Variants in SEMA6D observed in about 807,000 individuals in gnomAD.
SEMA6D encodes semaphorin-6D.
In SEMA6D, 35 loss-of-function variants were observed where a neutral mutation model predicts 106.6. That is an observed-to-expected ratio of 0.33 (90% confidence interval 0.25 to 0.44). The LOEUF (loss-of-function observed/expected upper bound fraction) is 0.44, where lower values mean the gene tolerates loss of function less well. Ranked by LOEUF, SEMA6D falls within the 20% of genes least tolerant of loss-of-function variation. The pLI is 1.00. For synonymous variants in SEMA6D, 499 were observed against 487.7 expected (o/e 1.02, Z -0.31); for missense variants, 1,185 against 1,345.9 (o/e 0.88, Z 1.87).
intron 1 of SEMA6D, among the ~76,000 whole-genome samples, chr15:47,206,066 A>G (rs187909956): frequency 3.3e-4 from 51 of 152,292 alleles, no homozygotes; most frequent in Admixed American, 1.2e-3. Context: ...CTTCATTTCA[A>G]CATCCTTACA....
At chr15:47,591,143 A>T (rs2076431733) in intron 3 of SEMA6D, among the ~76,000 whole-genome samples, 3 of 152,300 alleles carry the variant, frequency 2.0e-5, no homozygotes, top group Middle Eastern at 6.8e-3. Context: ...CATAAATGGC[A>T]CTTTGTTGCT....
intron 3 of SEMA6D, among the ~76,000 whole-genome samples, chr15:47,558,406 C>T (rs2045975684): frequency 6.6e-6 from 1 of 151,986 alleles, no homozygotes; most frequent in South Asian, 2.1e-4. Context: ...AGCAATGATT[C>T]AGGACAGAAA....
intron 1 of SEMA6D, among the ~76,000 whole-genome samples, chr15:47,365,466 G>C (rs1405401011): frequency 6.6e-6 from 1 of 152,100 alleles, no homozygotes; most frequent in Non-Finnish European, 1.5e-5. Context: ...ATAGAAATTT[G>C]TTTCTAAATC....
intron 4 of SEMA6D, among the ~76,000 whole-genome samples, chr15:47,677,983 G>C (rs2078278351): frequency 6.6e-6 from 1 of 152,144 alleles, no homozygotes; most frequent in South Asian, 2.1e-4. Context: ...AAAAGGGAGT[G>C]TGAAAATGGG....
At chr15:47,314,919 G>A (rs1360046150) in intron 1 of SEMA6D, among the ~76,000 whole-genome samples, 4 of 138,646 alleles carry the variant, frequency 2.9e-5, no homozygotes, top group Admixed American at 1.5e-4. Context: ...AGGCGAGAGT[G>A]CAGTGGCGCA....
chr15:47,607,298 A>G (rs2076801388), intron 4 of SEMA6D, among the ~76,000 whole-genome samples: 1 of 152,222 alleles, frequency 6.6e-6, no homozygotes, highest in Non-Finnish European at 1.5e-5. Context: ...CAATATGGTT[A>G]GATCACAGAT....
chr15:47,228,163 C>CACACAT (rs374770930), intron 1 of SEMA6D, among the ~76,000 whole-genome samples: 3,645 of 136,778 alleles, frequency 0.027, 173 homozygotes, highest in African/African-American at 0.094. Context: ...CACACACACA[C>CACACAT]ATATATATAT....
chr15:47,696,930 C>CTA (rs2078711143), intron 4 of SEMA6D, among the ~76,000 whole-genome samples: 1 of 152,144 alleles, frequency 6.6e-6, no homozygotes, highest in Admixed American at 6.5e-5. Context: ...ATGGGAACTG[C>CTA]TATTATTGTC....
intron 3 of SEMA6D, among the ~76,000 whole-genome samples, chr15:47,583,790 C>G (rs954624168): frequency 2.0e-5 from 3 of 152,084 alleles, no homozygotes; most frequent in African/African-American, 7.2e-5. Flanking sequence ...ACAGCTGTGA[C>G]AACATTAGGG....
At chr15:47,693,897 C>T (rs1400252338) in intron 4 of SEMA6D, among the ~76,000 whole-genome samples, 3 of 152,024 alleles carry the variant, frequency 2.0e-5, no homozygotes, top group African/African-American at 2.4e-5. Context: ...GAGCCGTGAT[C>T]GCACCACGAC....
At chr15:47,390,566 C>T (rs1595888693) in intron 1 of SEMA6D, among the ~76,000 whole-genome samples, 1 of 109,872 alleles carries the variant, frequency 9.1e-6, no homozygotes, top group African/African-American at 6.9e-5. Context: ...CCAGCCTCAC[C>T]GGTTTTTTTG....
chr15:47,640,907 A>G (rs1353786392), intron 4 of SEMA6D, among the ~76,000 whole-genome samples: 1 of 152,022 alleles, frequency 6.6e-6, no homozygotes, highest in African/African-American at 2.4e-5. Context: ...TAATAATAAT[A>G]TTACACACCT....
At chr15:47,587,562 G>C (rs1442617957) in intron 3 of SEMA6D, among the ~76,000 whole-genome samples, 1 of 152,158 alleles carries the variant, frequency 6.6e-6, no homozygotes, top group Non-Finnish European at 1.5e-5. Flanking sequence ...TGCCTTCAGT[G>C]ATCCGAAGCC....
At chr15:47,536,119 C>G (rs2045154915) in intron 3 of SEMA6D, among the ~76,000 whole-genome samples, 1 of 152,112 alleles carries the variant, frequency 6.6e-6, no homozygotes, top group African/African-American at 2.4e-5. Context: ...CCTTGAAATG[C>G]TAATGTTCCC....
chr15:47,372,466 G>A (rs1481050251), intron 1 of SEMA6D, among the ~76,000 whole-genome samples: 1 of 152,192 alleles, frequency 6.6e-6, no homozygotes, highest in African/African-American at 2.4e-5. Context: ...GAAAGCAGAA[G>A]CTGTCTCCAT....
intron 4 of SEMA6D, among the ~76,000 whole-genome samples, chr15:47,616,748 A>C (rs923407203): frequency 6.6e-6 from 1 of 152,112 alleles, no homozygotes; most frequent in Non-Finnish European, 1.5e-5. Flanking sequence ...TGTTGGAAAT[A>C]AAAGACTGTA....
rs530887486 is a variant in SEMA6D, at chr15:47,588,495, T to TA, written c.-86-12363dup. On this transcript the variant is annotated intron_variant, in intron 3 of 19. Transcript: ENST00000558014. ...TGTAAGCCATGCTCCTCAGACTCCG[T>TA]AAAAAAAGAGTCATTACTTGGAGAA... Among the ~76,000 whole-genome samples the TA allele has an allele frequency of 5.9e-5, 9 of 152,102 alleles. No individual in the cohort carries two copies. In the South Asian group the frequency reaches 1.9e-3, roughly 32 times the overall value.
At chr15:47,551,328 G>A (rs2045680784) in intron 3 of SEMA6D, among the ~76,000 whole-genome samples, 1 of 152,046 alleles carries the variant, frequency 6.6e-6, no homozygotes, top group Admixed American at 6.6e-5. Context: ...ATTTGGTTGG[G>A]GGCAGGTTGC....
At chr15:47,245,025 A>G (rs967056609) in intron 1 of SEMA6D, among the ~76,000 whole-genome samples, 1 of 106,936 alleles carries the variant, frequency 9.4e-6, no homozygotes, top group Non-Finnish European at 2.1e-5. Context: ...AAAGGACATG[A>G]TTTTGTTTTT....
Sources: gnomAD v4.1 joint callset for allele counts (sites outside exome capture counted in the v4.1 genomes callset) on GRCh38, gnomAD v4.1.1 for gene constraint, MANE v1.5 for transcripts, NCBI Gene and HGNC (gene_info 2026-07-23, HGNC 2026-07-21) for gene names.